Variants in ATG7 observed in about 807,000 individuals in gnomAD.
ATG7 encodes the protein autophagy related 7.
ATG7 carries 70 observed loss-of-function variants against 82.4 expected under a neutral mutation model. The observed-to-expected ratio is 0.85, with a 90% confidence interval of 0.70 to 1.04. The LOEUF is 1.04. Among genes scored for constraint, ATG7 ranks in the 50% least tolerant of loss-of-function variants. The pLI, the probability that ATG7 is intolerant of heterozygous loss-of-function variation, is 0.00. For missense variants in ATG7, 792 were observed against 864.3 expected, an observed-to-expected ratio of 0.92 and a Z score of 1.05; for synonymous variants, 287 against 313.0, an observed-to-expected ratio of 0.92 and a Z score of 0.88.
intron 19 of ATG7, among the ~76,000 whole-genome samples, chr3:11,393,717 G>A (rs374533655): frequency 3.4e-4 from 51 of 152,028 alleles, no homozygotes; most frequent in African/African-American, 1.2e-3. Flanking sequence ...GTCTCATTCG[G>A]TTGCCCAGGC....
chr3:11,317,133 C>T (rs1208234897), intron 9 of ATG7, among the ~76,000 whole-genome samples: 2 of 152,164 alleles, frequency 1.3e-5, no homozygotes, highest in Non-Finnish European at 1.5e-5. Flanking sequence ...AGCCACCACT[C>T]CTGGCCCAGA....
rs2072276941 is a variant in ATG7 at position 11,555,089 on chromosome 3, T to A, written c.*246T>A. The A allele has an allele frequency of 1.9e-6, 1 of 522,362 alleles. No homozygotes were observed. Among genetic ancestry groups the A allele is most frequent in the African/African-American group, 2.0e-5 (1 of 51,072 alleles). The allele number at this position is 522,362 out of a possible 1,614,324, so 32.4% of individuals were successfully genotyped here. A position where few individuals can be genotyped will look rare whatever the true frequency, so the allele number is the denominator to read the frequency against. Reference sequence around the variant, plus strand: ...GCCTTGCTATTGACCTGGGACTTGGTCCTCCATGCAGTTTTTATTTCTTGT... The same window carrying A: ...GCCTTGCTATTGACCTGGGACTTGGACCTCCATGCAGTTTTTATTTCTTGT... On this transcript the variant is annotated 3_prime_UTR_variant, in exon 21 of 21. Transcript: ENST00000693202.
chr3:11,385,905 T>C (rs1225263992), intron 19 of ATG7, among the ~76,000 whole-genome samples: 4 of 152,190 alleles, frequency 2.6e-5, no homozygotes, highest in African/African-American at 9.7e-5. Context: ...TGAGTGCCGT[T>C]TTAATTTTGG....
At chr3:11,568,635 C>A in the ATG7 span, 2 of 1,569,244 alleles carry the variant, frequency 1.3e-6, no homozygotes, top group Non-Finnish European at 1.7e-6. The surrounding 1 kb of genome is among the most constrained non-coding windows in gnomAD (Gnocchi z 5.9). Context: ...GTTCCCGGAG[C>A]TTCAAGACAG....
intron 11 of ATG7, 53 bp downstream of exon 11, chr3:11,333,146 A>G: frequency 6.7e-7 from 1 of 1,486,708 alleles, no homozygotes. Flanking sequence ...CAGAAACGGA[A>G]CCAGGTTTAC....
At chr3:11,399,548 C>T (rs1358021272) in intron 19 of ATG7, among the ~76,000 whole-genome samples, 2 of 151,766 alleles carry the variant, frequency 1.3e-5, no homozygotes, top group African/African-American at 4.8e-5. Flanking sequence ...ACCTTTCCTT[C>T]CTTCCTTTCC....
At chr3:11,441,976 A>AT (rs937070408) in intron 20 of ATG7, among the ~76,000 whole-genome samples, 24 of 151,458 alleles carry the variant, frequency 1.6e-4, no homozygotes, top group African/African-American at 3.6e-4. Flanking sequence ...CAATTTTTGT[A>AT]TTTTTTTATA....
chr3:11,467,101 GCAA>G (rs1457298997), intron 20 of ATG7, among the ~76,000 whole-genome samples: 1 of 151,192 alleles, frequency 6.6e-6, no homozygotes, highest in African/African-American at 2.4e-5. Context: ...TTCAGCCTGG[GCAA>G]CAAGAGTGAA....
rs1290027608 is a variant in ATG7, at chr3:11,281,875, G to A, written c.-256-318G>A. ...GGCCCAGTTTTAAAGTACTTCTCCC[G>A]TTTCTCAGGATTCTTTAAACATACC... On this transcript the variant is annotated intron_variant, in intron 2 of 20. Coordinates refer to ENST00000693202, the MANE Select transcript of ATG7 (RefSeq NM_001349232.2). 4.6e-5 allele frequency among the ~76,000 whole-genome samples: 7 copies of A among 151,916 alleles called. No individual in the cohort carries two copies. The East Asian group carries it at 7.7e-4, about 17-fold the overall frequency.
At chr3:11,456,165 C>A (rs1277317980) in intron 20 of ATG7, among the ~76,000 whole-genome samples, 3 of 152,184 alleles carry the variant, frequency 2.0e-5, no homozygotes, top group Admixed American at 2.0e-4. Context: ...GCCCCCTAAC[C>A]CTGAGCGATG....
At chr3:11,564,711 T>TCCCTCACCACCTCC in the ATG7 span, 2 of 1,380,786 alleles carry the variant, frequency 1.4e-6, no homozygotes, top group Non-Finnish European at 9.8e-7. Flanking sequence ...ACCACCGCCC[T>TCCCTCACCACCTCC]CGGAGTCCTC....
At chr3:11,300,221 C>A (rs1946576781) in intron 5 of ATG7, among the ~76,000 whole-genome samples, 1 of 152,170 alleles carries the variant, frequency 6.6e-6, no homozygotes, top group Non-Finnish European at 1.5e-5. Flanking sequence ...CGAGCCACCA[C>A]ACCCAGCCAA....
intron 6 of ATG7, 71 bp downstream of exon 6, chr3:11,307,131 G>A: frequency 7.2e-7 from 1 of 1,389,700 alleles, no homozygotes. Flanking sequence ...TTGTGATCAG[G>A]CACATGGGTC....
intron 6 of ATG7, among the ~76,000 whole-genome samples, chr3:11,307,822 T>TG (rs912404838): frequency 2.0e-5 from 3 of 152,192 alleles, no homozygotes; most frequent in Non-Finnish European, 4.4e-5. Flanking sequence ...CTTGTTGGTG[T>TG]GGGTGCAGTG....
chr3:11,508,095 T>G (rs1369888398), intron 20 of ATG7, among the ~76,000 whole-genome samples: 1 of 152,104 alleles, frequency 6.6e-6, no homozygotes, highest in Non-Finnish European at 1.5e-5. Flanking sequence ...ACAAAAGTGT[T>G]TTTTCAAAAA....
At chr3:11,311,305 T>C (rs76443062) in intron 7 of ATG7, among the ~76,000 whole-genome samples, 1 of 152,124 alleles carries the variant, frequency 6.6e-6, no homozygotes, top group South Asian at 2.1e-4. Context: ...TAAAGTTTCT[T>C]AGAATTCGTG....
chr3:11,573,295 GAAA>G, the ATG7 span, among the ~76,000 whole-genome samples: 1,598 of 12,486 alleles, frequency 0.13, 165 homozygotes, highest in South Asian at 0.16. Flanking sequence ...AAGAAAGAAA[GAAA>G]GAAAGAAAGG....
At chr3:11,471,821 C>T (rs1389254476) in intron 20 of ATG7, among the ~76,000 whole-genome samples, 3 of 146,180 alleles carry the variant, frequency 2.1e-5, no homozygotes, top group African/African-American at 7.7e-5. Flanking sequence ...CTCACTGCAA[C>T]CTCTGCCTCA....
At chr3:11,546,943 C>G (rs1025416282) in intron 20 of ATG7, among the ~76,000 whole-genome samples, 2 of 152,256 alleles carry the variant, frequency 1.3e-5, no homozygotes, top group Non-Finnish European at 2.9e-5. Flanking sequence ...GCCATGGGCT[C>G]TGCCTTCTGA....
Sources: allele counts gnomAD v4.1 joint callset (sites outside exome capture counted in the v4.1 genomes callset), GRCh38; gene constraint gnomAD v4.1.1; non-coding constraint Gnocchi (gnomAD v3.1); transcripts MANE v1.5; gene names NCBI Gene and HGNC (gene_info 2026-07-23, HGNC 2026-07-21).